The following NME8 variants were observed in gnomAD, a reference collection of about 807,000 sequenced individuals.
NME8 encodes the protein NME/NM23 family member 8, also known as protein NME8.
In NME8, 72 loss-of-function variants were observed where a neutral mutation model predicts 82.3. The observed-to-expected ratio is 0.87, with a 90% confidence interval of 0.72 to 1.06. The LOEUF is 1.06. Ranked by LOEUF, NME8 falls within the 50% of genes least tolerant of loss-of-function variation. NME8 has a pLI of 0.00. For synonymous variants in NME8, 267 were observed against 228.5 expected, an observed-to-expected ratio of 1.17 and a Z score of -1.52; for missense variants, 712 against 685.4, an observed-to-expected ratio of 1.04 and a Z score of -0.43.
At chr7:37,849,785 C>T (rs575796185) in intron 2 of NME8, among the ~76,000 whole-genome samples, 8 of 149,722 alleles carry the variant, frequency 5.3e-5, no homozygotes, top group Admixed American at 1.3e-4. Context: ...GCAGGAGAAT[C>T]GCTTGAACCC....
intron 16 of NME8, among the ~76,000 whole-genome samples, chr7:37,896,237 A>G (rs1230333967): frequency 1.3e-5 from 2 of 152,236 alleles, no homozygotes; most frequent in Non-Finnish European, 2.9e-5. Context: ...GACAGCTTAG[A>G]AAACTAACTT....
chr7:37,889,720 G>A (rs899290098), intron 15 of NME8, among the ~76,000 whole-genome samples: 30 of 151,792 alleles, frequency 2.0e-4, no homozygotes, highest in African/African-American at 6.5e-4. Flanking sequence ...TGGTGTTGCC[G>A]AACTACCATA....
At chr7:37,861,782 A>G (rs971829316) in intron 6 of NME8, among the ~76,000 whole-genome samples, 2 of 152,158 alleles carry the variant, frequency 1.3e-5, no homozygotes, top group African/African-American at 4.8e-5. Context: ...CTGCAGGGGG[A>G]TGACTTGCTG....
rs762892925 is a variant in NME8 at position 37,857,230 on chromosome 7, A to G, written c.199-44A>G. The G allele has an allele frequency of 2.0e-5, 28 of 1,406,226 alleles. No individual in the cohort carries two copies. The South Asian group carries it at 2.1e-4, about 11-fold the overall frequency. The allele number at this position is 1,406,226 out of a possible 1,614,324, so 87.1% of individuals were successfully genotyped here. A position where few individuals can be genotyped will look rare whatever the true frequency, so the allele number is the denominator to read the frequency against. ...CAACATAGTGTATCAAATTACTTGAATATAGTTTTATTTATTATTATATGA... is the reference window on the plus strand; with the variant it reads ...CAACATAGTGTATCAAATTACTTGAGTATAGTTTTATTTATTATTATATGA... On this transcript the variant is annotated intron_variant, in intron 5 of 17. Coordinates refer to ENST00000199447, the MANE Select transcript of NME8 (RefSeq NM_016616.5).
intron 14 of NME8, among the ~76,000 whole-genome samples, chr7:37,888,053 C>A (rs1429052890): frequency 2.0e-5 from 3 of 152,136 alleles, no homozygotes; most frequent in Non-Finnish European, 4.4e-5. Context: ...TGTTAATATT[C>A]ATCGCCTTGA....
intron 12 of NME8, among the ~76,000 whole-genome samples, chr7:37,878,914 T>C (rs1784899351): frequency 6.6e-6 from 1 of 152,152 alleles, no homozygotes; most frequent in Non-Finnish European, 1.5e-5. Flanking sequence ...TCACTCTTTA[T>C]TTTGTTCATC....
At chr7:37,881,925 T>C (rs1784952381) in intron 12 of NME8, among the ~76,000 whole-genome samples, 1 of 152,252 alleles carries the variant, frequency 6.6e-6, no homozygotes, top group Admixed American at 6.5e-5. Flanking sequence ...TCAATTTATC[T>C]GAATTATCAA....
intron 13 of NME8, 36 bp downstream of exon 13, chr7:37,884,483 T>C (rs1785011410): frequency 1.9e-6 from 3 of 1,580,266 alleles, no homozygotes; most frequent in Non-Finnish European, 2.6e-6. Flanking sequence ...GTCTGATTTA[T>C]TTTTGAATCA....
intron 16 of NME8, 59 bp from the exon 17 acceptor site, chr7:37,896,811 G>A: frequency 2.1e-6 from 3 of 1,423,998 alleles, no homozygotes; most frequent in Non-Finnish European, 3.0e-6. Flanking sequence ...CTTTAGCCTT[G>A]TTTGCAGTGT....
chr7:37,867,553 G>A (rs921425763), intron 10 of NME8, 149 bp from the exon 11 acceptor site: 3 of 670,016 alleles, frequency 4.5e-6, no homozygotes, highest in Non-Finnish European at 8.0e-6. Flanking sequence ...CAATAAAAAT[G>A]TATTGTTAAC....
At chr7:37,899,855 A>G (rs942644581) in intron 17 of NME8, among the ~76,000 whole-genome samples, 1 of 152,046 alleles carries the variant, frequency 6.6e-6, no homozygotes, top group Non-Finnish European at 1.5e-5. Flanking sequence ...AGGCCACCCC[A>G]CAACCCTCGC....
chr7:37,882,323 C>T (rs560696199), intron 12 of NME8, among the ~76,000 whole-genome samples: 1 of 151,910 alleles, frequency 6.6e-6, no homozygotes, highest in Admixed American at 6.6e-5. Flanking sequence ...CTCATCTCTA[C>T]TAAAAATAGA....
chr7:37,859,835 T>C (rs1784572811), intron 6 of NME8, among the ~76,000 whole-genome samples: 1 of 152,216 alleles, frequency 6.6e-6, no homozygotes, highest in Admixed American at 6.5e-5. Flanking sequence ...TCCAATAAAC[T>C]TCATCGAATC....
intron 5 of NME8, among the ~76,000 whole-genome samples, chr7:37,854,721 A>G (rs927822491): frequency 1.3e-5 from 2 of 152,100 alleles, no homozygotes; most frequent in African/African-American, 4.8e-5. Context: ...ACTCATCTCT[A>G]CCAATTTGTC....
At chr7:37,852,944 T>C (rs753921014) in intron 5 of NME8, among the ~76,000 whole-genome samples, 11 of 152,206 alleles carry the variant, frequency 7.2e-5, no homozygotes, top group Non-Finnish European at 1.5e-4. Context: ...CCATTTTGCA[T>C]TCTTACCAAC....
At chr7:37,892,840 G>T (rs1426215842) in intron 15 of NME8, among the ~76,000 whole-genome samples, 5 of 151,774 alleles carry the variant, frequency 3.3e-5, no homozygotes, top group Non-Finnish European at 7.4e-5. Flanking sequence ...TCACATTAGG[G>T]TGTCGTGTTA....
intron 12 of NME8, 61 bp from the exon 13 acceptor site, chr7:37,884,242 A>G: frequency 8.8e-7 from 1 of 1,140,078 alleles, no homozygotes; most frequent in Non-Finnish European, 1.3e-6. Flanking sequence ...TATATTATGT[A>G]TTGTGTACAT....
At chr7:37,879,230 C>A (rs1003745756) in intron 12 of NME8, among the ~76,000 whole-genome samples, 1 of 152,078 alleles carries the variant, frequency 6.6e-6, no homozygotes, top group African/African-American at 2.4e-5. Flanking sequence ...ATCCCTGCAA[C>A]CTCCGCCTCC....
intron 11 of NME8, among the ~76,000 whole-genome samples, chr7:37,870,476 C>T (rs991896066): frequency 6.6e-6 from 1 of 150,464 alleles, no homozygotes; most frequent in African/African-American, 2.5e-5. Flanking sequence ...GTAGTTCCAG[C>T]TACTTGGGAG....
Sources: gnomAD v4.1 joint callset for allele counts (sites outside exome capture counted in the v4.1 genomes callset) on GRCh38, gnomAD v4.1.1 for gene constraint, MANE v1.5 for transcripts, NCBI Gene and HGNC (gene_info 2026-07-23, HGNC 2026-07-21) for gene names.